Variants in ACSM1 observed in about 807,000 individuals in gnomAD.
ACSM1 encodes acyl-coenzyme A synthetase ACSM1, mitochondrial.
In ACSM1, 79 loss-of-function variants were observed where a neutral mutation model predicts 75.8. The ratio of observed to expected loss-of-function variants is 1.04; its 90% CI spans 0.87 to 1.26. ACSM1 has a LOEUF of 1.26. ACSM1 is among the 50% of genes most tolerant of loss of function. The pLI is 0.00. For missense variants in ACSM1, 676 were observed against 720.1 expected (o/e 0.94, Z 0.70); for synonymous variants, 279 against 265.8 (o/e 1.05, Z -0.48).
At chr16:20,661,900 T>C (rs1226241785) in intron 6 of ACSM1, 27 bp from the exon 7 acceptor site, 2 of 1,526,228 alleles carry the variant, frequency 1.3e-6, no homozygotes, top group African/African-American at 2.7e-5. Flanking sequence ...GAAGAAATTT[T>C]ATTTTTACAG....
At chr16:20,654,818 A>G (rs1420352085) in intron 7 of ACSM1, among the ~76,000 whole-genome samples, 3 of 152,224 alleles carry the variant, frequency 2.0e-5, no homozygotes, top group Admixed American at 6.5e-5. Context: ...AATTAGTTCA[A>G]TCATTGTGGA....
chr16:20,657,720 T>C (rs921996346), intron 7 of ACSM1, among the ~76,000 whole-genome samples: 1 of 152,100 alleles, frequency 6.6e-6, no homozygotes, highest in African/African-American at 2.4e-5. Context: ...ACTCATCATT[T>C]AGCATTAGGT....
chr16:20,650,783 A>T (rs1228415013), intron 7 of ACSM1, among the ~76,000 whole-genome samples: 1 of 152,192 alleles, frequency 6.6e-6, no homozygotes. Context: ...GCCAGAGTTT[A>T]TATAAAATGG....
At chr16:20,669,020 G>A (rs1447139901) in intron 6 of ACSM1, among the ~76,000 whole-genome samples, 1 of 152,122 alleles carries the variant, frequency 6.6e-6, no homozygotes. Context: ...TGTGCAGAGC[G>A]GGTGGATTTT....
At chr16:20,694,429 C>T (rs955926578) in intron 1 of ACSM1, among the ~76,000 whole-genome samples, 1 of 152,184 alleles carries the variant, frequency 6.6e-6, no homozygotes, top group Non-Finnish European at 1.5e-5. Flanking sequence ...ACATTTCAAA[C>T]AATATTGTAG....
Position 20,627,278 on chromosome 16 carries a change from G to C in ACSM1, c.1338C>G (p.Asp446Glu). 6.3e-7 allele frequency: 1 copy of C among 1,585,536 alleles called. No homozygotes were observed. The highest frequency in any genetic ancestry group is 8.6e-7 in the Non-Finnish European group (1 of 1,168,120). Residue 446 changes from aspartate to glutamate, a missense_variant, in exon 11 of 14, where the codon GAC (aspartate) becomes GAG (glutamate). Coordinates refer to ENST00000520010, the MANE Select transcript of ACSM1 (RefSeq NM_001318890.3). ...PEKTAKVECG[D>E]FYNTGDRGKM... ...TACCTCTGTCCCCAGTGTTGTAGAA[G>C]TCCCCACATTCCACTTTAGCTGTCT...
intron 2 of ACSM1, among the ~76,000 whole-genome samples, chr16:20,688,537 C>A (rs536725646): frequency 1.5e-3 from 222 of 152,086 alleles, no homozygotes; most frequent in Non-Finnish European, 2.2e-3. Context: ...AAGAGAAAAG[C>A]AACTCATGTA....
At chr16:20,672,920 A>ATATAAAATAATAAAATATATATTATT (rs2020045254) in intron 4 of ACSM1, among the ~76,000 whole-genome samples, 1 of 108,022 alleles carries the variant, frequency 9.3e-6, no homozygotes, top group Non-Finnish European at 1.8e-5. Context: ...TATAAAACAT[A>ATATAAAATAATAAAATATATATTATT]TTACATATAA....
chr16:20,692,641 G>A (rs539780671), intron 1 of ACSM1, among the ~76,000 whole-genome samples: 1 of 152,164 alleles, frequency 6.6e-6, no homozygotes, highest in Non-Finnish European at 1.5e-5. Flanking sequence ...AGAGGAAATG[G>A]GGTTCTTTAT....
At chr16:20,683,646 CTTT>C (rs36182498) in intron 3 of ACSM1, among the ~76,000 whole-genome samples, 3 of 136,856 alleles carry the variant, frequency 2.2e-5, no homozygotes, top group Non-Finnish European at 4.6e-5. Context: ...CAGCTCAAGT[CTTT>C]TTTTTTTTTT....
In ACSM1 at chr16:20,671,804, G is replaced by T. The variant is rs142940868; in HGVS notation, c.612-133C>A. 369 of 995,760 alleles carry T rather than the reference G, an allele frequency of 3.7e-4. 9 individuals are homozygous for T. In the East Asian group the frequency reaches 0.01, roughly 27 times the overall value. The allele number at this position is 995,760 out of a possible 1,614,324, so 61.7% of individuals were successfully genotyped here. ...ACACTAGAGGAAAACTGGCTCTCCC[G>T]GAGTTAGGCATCACACTGACTTGAT... On this transcript the variant is annotated intron_variant, in intron 4 of 13. Coordinates refer to ENST00000520010, the MANE Select transcript of ACSM1 (RefSeq NM_001318890.3).
chr16:20,685,486 G>T lies in ACSM1; in HGVS notation c.193-83C>A, dbSNP rs926439664. On this transcript the variant is annotated intron_variant, in intron 2 of 13. Transcript: ENST00000520010. ...TAAACTAATCCACAGCCATAGTCAC[G>T]TTCCAATGTGAACACAGCTTAAGGA... 5 of 1,265,510 alleles carry T rather than the reference G, an allele frequency of 4.0e-6. No individual in the cohort carries two copies. In the African/African-American group the frequency reaches 5.9e-5, roughly 15 times the overall value. 78.4% of individuals were successfully genotyped at this position (1,265,510 alleles called of 1,614,324 possible).
At chr16:20,673,103 T>A (rs2020058560) in intron 4 of ACSM1, among the ~76,000 whole-genome samples, 1 of 147,038 alleles carries the variant, frequency 6.8e-6, no homozygotes, top group Non-Finnish European at 1.5e-5. Flanking sequence ...TATATATAAA[T>A]TTGCATATTA....
At chr16:20,668,538 T>C (rs1457055514) in intron 6 of ACSM1, among the ~76,000 whole-genome samples, 2 of 152,092 alleles carry the variant, frequency 1.3e-5, no homozygotes, top group Admixed American at 1.3e-4. Flanking sequence ...GGAGGAATGA[T>C]CAGATGGGCT....
chr16:20,684,305 T>C (rs544146500), intron 3 of ACSM1, among the ~76,000 whole-genome samples: 1 of 152,180 alleles, frequency 6.6e-6, no homozygotes, highest in African/African-American at 2.4e-5. Context: ...AATAGGAATA[T>C]TCACACAATC....
At chr16:20,627,804 G>A (rs1432381570) in intron 10 of ACSM1, among the ~76,000 whole-genome samples, 1 of 147,040 alleles carries the variant, frequency 6.8e-6, no homozygotes, top group African/African-American at 2.5e-5. Flanking sequence ...AATCCAGCTT[G>A]GGCAACAGAG....
intron 7 of ACSM1, among the ~76,000 whole-genome samples, chr16:20,646,589 C>T (rs56150657): frequency 0.044 from 6,718 of 152,308 alleles, 214 homozygotes; most frequent in Non-Finnish European, 0.068. Context: ...AGATACTTCT[C>T]CCAGCCACTA....
intron 10 of ACSM1, among the ~76,000 whole-genome samples, chr16:20,631,787 T>C (rs2017362158): frequency 1.3e-5 from 2 of 152,328 alleles, no homozygotes; most frequent in South Asian, 4.1e-4. Context: ...ATAGCGTATG[T>C]TCTCACTTCT....
chr16:20,674,181 A>G (rs1033727881), intron 4 of ACSM1: 1 of 407,428 alleles, frequency 2.5e-6, no homozygotes, highest in Non-Finnish European at 5.0e-6. Flanking sequence ...GTTGCCCCAG[A>G]GGAAGAGAAA....
Sources: gnomAD v4.1 joint callset for allele counts (sites outside exome capture counted in the v4.1 genomes callset) on GRCh38, gnomAD v4.1.1 for gene constraint, MANE v1.5 for transcripts, NCBI Gene and HGNC (gene_info 2026-07-23, HGNC 2026-07-21) for gene names.